Variants in GLRA2 observed in about 807,000 individuals in gnomAD.
GLRA2 encodes the protein glycine receptor alpha 2.
GLRA2 carries 11 observed loss-of-function variants against 31.6 expected under a neutral mutation model. The observed-to-expected ratio is 0.35, with a 90% CI of 0.22 to 0.58. GLRA2 has a LOEUF of 0.58. Among genes scored for constraint, GLRA2 ranks in the 20% least tolerant of loss-of-function variants. GLRA2 has a pLI of 0.84. For missense variants in GLRA2, 212 were observed against 351.8 expected (o/e 0.60, Z 3.18); for synonymous variants, 132 against 134.0 (o/e 0.99, Z 0.10).
chrX:14,473,755 T>A, the GLRA2 span, among the ~76,000 whole-genome samples: 4 of 112,281 alleles, frequency 3.6e-5, no homozygotes. Context: ...AGGGATATGA[T>A]CTTCCTTTTT....
chrX:14,450,357 C>G, the GLRA2 span, among the ~76,000 whole-genome samples: 5 of 111,674 alleles, frequency 4.5e-5, no homozygotes, highest in East Asian at 5.7e-4. Flanking sequence ...GCTCAGACTT[C>G]CCCTGAGGGA....
the GLRA2 span, among the ~76,000 whole-genome samples, chrX:14,454,196 A>ACACC: frequency 3.0e-5 from 2 of 67,741 alleles, no homozygotes; most frequent in Non-Finnish European, 6.2e-5. Context: ...ACCCACACAC[A>ACACC]CACACACACA....
intron 7 of GLRA2, among the ~76,000 whole-genome samples, chrX:14,620,771 T>G (rs1005811260): frequency 1.8e-5 from 2 of 111,751 alleles, no homozygotes; most frequent in Admixed American, 1.9e-4. Flanking sequence ...TCTGCGTTAG[T>G]AGAGCATGGG....
At chrX:14,591,107 A>C (rs1403520197) in intron 4 of GLRA2, among the ~76,000 whole-genome samples, 1 of 112,389 alleles carries the variant, frequency 8.9e-6, no homozygotes, top group African/African-American at 3.2e-5. Context: ...TCAGGTTAGA[A>C]ATACGCAAAC....
the GLRA2 span, among the ~76,000 whole-genome samples, chrX:14,486,233 C>T: frequency 9.0e-6 from 1 of 111,529 alleles, no homozygotes; most frequent in East Asian, 2.8e-4. Context: ...CCCCATCTTA[C>T]ACCATACACA....
chrX:14,573,825 A>G (rs2089916536), intron 2 of GLRA2, among the ~76,000 whole-genome samples: 1 of 110,737 alleles, frequency 9.0e-6, no homozygotes. Context: ...CAGAGGATAT[A>G]AAGAAGGAGT....
intron 7 of GLRA2, among the ~76,000 whole-genome samples, chrX:14,655,824 T>C (rs990553895): frequency 8.9e-6 from 1 of 112,157 alleles, no homozygotes; most frequent in Non-Finnish European, 1.9e-5. Context: ...TTTCCCCAAA[T>C]ATGATGTAAC....
intron 7 of GLRA2, among the ~76,000 whole-genome samples, chrX:14,687,440 C>T (rs2091291724): frequency 8.9e-6 from 1 of 112,080 alleles, no homozygotes; most frequent in African/African-American, 3.2e-5. Context: ...TTCAGGTACA[C>T]CAATCAGATG....
chrX:14,638,720 G>A (rs2090741469), intron 7 of GLRA2, among the ~76,000 whole-genome samples: 1 of 111,092 alleles, frequency 9.0e-6, no homozygotes, highest in Non-Finnish European at 1.9e-5. Context: ...TAAATAGAAA[G>A]TATAATATTT....
At chrX:14,728,846 G>A (rs769362863) in intron 8 of GLRA2, among the ~76,000 whole-genome samples, 1 of 112,271 alleles carries the variant, frequency 8.9e-6, no homozygotes, top group Non-Finnish European at 1.9e-5. Flanking sequence ...CTCTGAGCAC[G>A]TATACTATAA....
chrX:14,521,771 A>G, the GLRA2 span, among the ~76,000 whole-genome samples: 1 of 112,710 alleles, frequency 8.9e-6, no homozygotes, highest in African/African-American at 3.2e-5. Context: ...TTCCCAGTGC[A>G]TATAAAAGTT....
chrX:14,563,100 T>C (rs1240307453), intron 2 of GLRA2, among the ~76,000 whole-genome samples: 1 of 112,406 alleles, frequency 8.9e-6, no homozygotes, highest in Non-Finnish European at 1.9e-5. Context: ...ATATGGCAAA[T>C]TTAGAAAGCC....
chrX:14,605,223 A>G (rs1474092477), intron 5 of GLRA2, among the ~76,000 whole-genome samples: 1 of 111,826 alleles, frequency 8.9e-6, no homozygotes, highest in East Asian at 2.8e-4. Flanking sequence ...GGCATGGGCA[A>G]GGAAATACTT....
At chrX:14,689,755 A>G (rs1249717649) in intron 7 of GLRA2, among the ~76,000 whole-genome samples, 1 of 112,349 alleles carries the variant, frequency 8.9e-6, no homozygotes, top group Non-Finnish European at 1.9e-5. Flanking sequence ...TTCAGATGGT[A>G]GTTTAATAAG....
intron 8 of GLRA2, among the ~76,000 whole-genome samples, chrX:14,714,925 C>T (rs2091764482): frequency 9.0e-6 from 1 of 111,434 alleles, no homozygotes; most frequent in Non-Finnish European, 1.9e-5. Context: ...GTTCAAATAC[C>T]CTAATGTTAT....
the GLRA2 span, among the ~76,000 whole-genome samples, chrX:14,458,942 C>T: frequency 2.7e-5 from 3 of 111,426 alleles, no homozygotes; most frequent in East Asian, 2.8e-4. Flanking sequence ...CATGAAGTCC[C>T]TGCCCATGCC....
At chrX:14,690,623 G>T in intron 7 of GLRA2, 87 bp from the exon 8 acceptor site, 1 of 650,517 alleles carries the variant, frequency 1.5e-6, no homozygotes, top group Non-Finnish European at 2.5e-6. Context: ...ACACCATTAA[G>T]AATCTGGTTT....
At chrX:14,517,304 C>T in the GLRA2 span, among the ~76,000 whole-genome samples, 2 of 111,802 alleles carry the variant, frequency 1.8e-5, no homozygotes, top group Non-Finnish European at 3.8e-5. Context: ...AAATATGTGC[C>T]ATTTTAAAAA....
At chrX:14,524,868 A>C (rs1408500407), upstream of GLRA2, among the ~76,000 whole-genome samples, 2 of 110,981 alleles carry the variant, frequency 1.8e-5, no homozygotes, top group Admixed American at 1.9e-4. Context: ...TGACTTAAAA[A>C]ATAACAGCAA....
Sources: gnomAD v4.1 joint callset for allele counts (sites outside exome capture counted in the v4.1 genomes callset) on GRCh38, gnomAD v4.1.1 for gene constraint, MANE v1.5 for transcripts, NCBI Gene and HGNC (gene_info 2026-07-23, HGNC 2026-07-21) for gene names.